Variants in GNPAT observed in about 807,000 individuals in gnomAD.
GNPAT encodes glyceronephosphate O-acyltransferase.
A neutral mutation model predicts 78.4 loss-of-function variants in GNPAT; 30 were observed. That is an observed-to-expected ratio of 0.38 (90% CI 0.29 to 0.52). GNPAT has a LOEUF of 0.52. GNPAT is among the 20% of genes least tolerant of loss of function. The pLI is 0.84. For synonymous variants in GNPAT, 271 were observed against 281.1 expected (o/e 0.96, Z 0.36); for missense variants, 714 against 812.2 (o/e 0.88, Z 1.47).
Position 231,276,166 on chromosome 1 carries a change from C to A in GNPAT, c.1969C>A (p.Pro657Thr), listed in dbSNP as rs781413182. The A allele has an allele frequency of 7.7e-6, 11 of 1,423,058 alleles. No homozygotes were observed. The highest frequency in any genetic ancestry group is 4.6e-5 in the East Asian group (2 of 43,876). The allele number at this position is 1,423,058 out of a possible 1,614,324, so 88.2% of individuals were successfully genotyped here. Residue 657 changes from proline to threonine, a missense_variant, in exon 15 of 16, where the codon CCT becomes ACT. Physicochemically the swap from Pro to Thr is conservative, Grantham distance 38. Transcript: ENST00000366647. ...NNNCIFNVNE[P>T]ATTKLEEMLG... ...TAACTGTATATTTAATGTGAATGAACCTGCCACAACCAAATTAGAAGAAAT... is the reference window on the plus strand; with the variant it reads ...TAACTGTATATTTAATGTGAATGAAACTGCCACAACCAAATTAGAAGAAAT...
intron 10 of GNPAT, among the ~76,000 whole-genome samples, chr1:231,271,968 C>T (rs778391288): frequency 2.6e-5 from 4 of 152,116 alleles, no homozygotes; most frequent in Non-Finnish European, 4.4e-5. Flanking sequence ...GGCATGGCGG[C>T]GAGTGCCTGT....
intron 2 of GNPAT, among the ~76,000 whole-genome samples, chr1:231,251,457 T>G (rs895988966): frequency 6.6e-6 from 1 of 151,846 alleles, no homozygotes; most frequent in African/African-American, 2.4e-5. Flanking sequence ...GTGTAGAGAG[T>G]CAAGGAAGTG....
chr1:231,262,581 C>T (rs1471194144), intron 3 of GNPAT, 142 bp from the exon 4 acceptor site: 2 of 687,456 alleles, frequency 2.9e-6, no homozygotes, highest in Admixed American at 2.3e-5. Flanking sequence ...CAGAGCAAAT[C>T]GTTTATGTGT....
chr1:231,253,009 C>G (rs1684943243), intron 2 of GNPAT, among the ~76,000 whole-genome samples: 1 of 152,154 alleles, frequency 6.6e-6, no homozygotes, highest in African/African-American at 2.4e-5. Context: ...TACTCTGTTG[C>G]CCAGGCTGGA....
chr1:231,254,755 A>T (rs868598762), intron 2 of GNPAT, among the ~76,000 whole-genome samples: 4,348 of 140,114 alleles, frequency 0.031, 88 homozygotes, highest in Middle Eastern at 0.052. Flanking sequence ...GCCGAAAAAA[A>T]TTTTTTTTTT....
intron 12 of GNPAT, chr1:231,274,834 A>G (rs963500993): frequency 7.2e-6 from 2 of 276,466 alleles, no homozygotes; most frequent in Non-Finnish European, 1.4e-5. Context: ...TACAGTAGAA[A>G]TCATCAAGTA....
chr1:231,267,984 G>T, intron 9 of GNPAT, 81 bp downstream of exon 9: 1 of 888,502 alleles, frequency 1.1e-6, no homozygotes, highest in Non-Finnish European at 1.9e-6. Flanking sequence ...ATCTATAGAG[G>T]ACTTGAGCAA....
chr1:231,253,855 A>G (rs1375417967), intron 2 of GNPAT, among the ~76,000 whole-genome samples: 1 of 152,226 alleles, frequency 6.6e-6, no homozygotes, highest in African/African-American at 2.4e-5. Context: ...TGAATTAGTG[A>G]ATTTTTAAAA....
At chr1:231,248,659 A>G (rs141285179) in intron 1 of GNPAT, among the ~76,000 whole-genome samples, 3 of 152,336 alleles carry the variant, frequency 2.0e-5, no homozygotes, top group Non-Finnish European at 2.9e-5. Context: ...ATATATACGT[A>G]TAAACACACA....
At position 231,277,720 on chromosome 1, in the gene GNPAT, C is replaced by T; in HGVS notation, c.*178C>T. On this transcript the variant is annotated 3_prime_UTR_variant, in exon 16 of 16. Transcript: ENST00000366647. Reference sequence around the variant, plus strand: ...GAAGCAATCAGTTTACTCTTCCCCACCACAGTGGTTAAAAGGCGTTTGTAT... The same window carrying T: ...GAAGCAATCAGTTTACTCTTCCCCATCACAGTGGTTAAAAGGCGTTTGTAT... 1.6e-6 allele frequency: 1 copy of T among 607,328 alleles called. No homozygotes were observed. The highest frequency in any genetic ancestry group is 1.9e-5 in the South Asian group (1 of 51,822). 37.6% of individuals were successfully genotyped at this position (607,328 alleles called of 1,614,324 possible). A position where few individuals can be genotyped will look rare whatever the true frequency, so the allele number is the denominator to read the frequency against.
intron 3 of GNPAT, 85 bp from the exon 4 acceptor site, chr1:231,262,638 G>T: frequency 1.9e-6 from 2 of 1,078,458 alleles, no homozygotes; most frequent in South Asian, 2.5e-5. Context: ...TCTAAATATA[G>T]ACTTATTCTT....
At chr1:231,275,587 A>G (rs1354181923) in intron 14 of GNPAT, 89 bp downstream of exon 14, 1 of 805,914 alleles carries the variant, frequency 1.2e-6, no homozygotes, top group African/African-American at 1.7e-5. Context: ...ATAGAAATGG[A>G]TGATCTAGGA....
chr1:231,268,087 G>A (rs1685441722), intron 9 of GNPAT, among the ~76,000 whole-genome samples, 184 bp downstream of exon 9: 1 of 152,116 alleles, frequency 6.6e-6, no homozygotes, highest in Non-Finnish European at 1.5e-5. Context: ...TGGATCACGA[G>A]GTCAGGAGAT....
chr1:231,269,834 T>G (rs1247889743), intron 9 of GNPAT: 1 of 152,138 alleles, frequency 6.6e-6, no homozygotes, highest in Non-Finnish European at 1.5e-5. Context: ...GTCACTACAG[T>G]TCTGTTCCTT....
chr1:231,265,022 TA>T (rs1685336000), intron 4 of GNPAT, among the ~76,000 whole-genome samples: 1 of 152,204 alleles, frequency 6.6e-6, no homozygotes, highest in African/African-American at 2.4e-5. Context: ...AATAATATCA[TA>T]GGGGTGTCTT....
rs1186799435 is a variant in GNPAT, at chr1:231,269,554, C to T, written c.1280-1204C>T. 3.9e-5 allele frequency among the ~76,000 whole-genome samples: 6 copies of T among 152,202 alleles called. 1 individual carries two copies. The South Asian group carries it at 6.2e-4, about 16-fold the overall frequency. On this transcript the variant is annotated intron_variant, in intron 9 of 15. Transcript: ENST00000366647. ...CCAAGAGATGAGGAGGATTTACTGA[C>T]AAAAATGCCAGTCACCAAGAGAGAG... is the stretch of plus-strand genomic sequence containing the variant.
chr1:231,241,320 G>A lies in GNPAT; in HGVS notation c.-59G>A. On this transcript the variant is annotated 5_prime_UTR_variant, in exon 1 of 16. Coordinates refer to ENST00000366647, the MANE Select transcript of GNPAT (RefSeq NM_014236.4). ...CTGAGCGAAAGAACCGCCCCCAGCA[G>A]GAGCACCACCACGGCTTAGCAAAGA... 6.8e-7 allele frequency: 1 copy of A among 1,476,576 alleles called. No homozygotes were observed. Among genetic ancestry groups the A allele is most frequent in the Non-Finnish European group, 9.5e-7 (1 of 1,054,504 alleles). 91.5% of individuals were successfully genotyped at this position (1,476,576 alleles called of 1,614,324 possible). A position where few individuals can be genotyped will look rare whatever the true frequency, so the allele number is the denominator to read the frequency against.
intron 1 of GNPAT, among the ~76,000 whole-genome samples, chr1:231,244,088 T>C (rs1366033930): frequency 1.3e-5 from 2 of 152,132 alleles, no homozygotes; most frequent in African/African-American, 4.8e-5. Context: ...TTTGTATTTT[T>C]AGTAGAGTCG....
At chr1:231,246,540 C>T (rs1260871603) in intron 1 of GNPAT, among the ~76,000 whole-genome samples, 1 of 152,156 alleles carries the variant, frequency 6.6e-6, no homozygotes, top group Non-Finnish European at 1.5e-5. Context: ...TAGGGAGAGG[C>T]CTGCTCTACT....
Sources: gnomAD v4.1 joint callset for allele counts (sites outside exome capture counted in the v4.1 genomes callset) on GRCh38, gnomAD v4.1.1 for gene constraint, MANE v1.5 for transcripts, NCBI Gene and HGNC (gene_info 2026-07-23, HGNC 2026-07-21) for gene names.